Variants in GRIP1 observed in about 807,000 individuals in gnomAD.
GRIP1 encodes glutamate receptor interacting protein 1.
In GRIP1, 45 loss-of-function variants were observed where a neutral mutation model predicts 129.9. That is an observed-to-expected ratio of 0.35 (90% CI 0.27 to 0.44). GRIP1 has a LOEUF of 0.44. Ranked by LOEUF, GRIP1 falls within the 20% of genes least tolerant of loss-of-function variation. The pLI is 1.00. For synonymous variants in GRIP1, 530 were observed against 520.8 expected, an observed-to-expected ratio of 1.02 and a Z score of -0.24; for missense variants, 1,196 against 1,396.8, an observed-to-expected ratio of 0.86 and a Z score of 2.29.
At chr12:66,788,585 A>C (rs1330695264) in intron 1 of GRIP1, among the ~76,000 whole-genome samples, 1 of 151,796 alleles carries the variant, frequency 6.6e-6, no homozygotes, top group African/African-American at 2.4e-5. Flanking sequence ...TTTGTCTTGC[A>C]TGCCCTTTCT....
chr12:66,522,062 C>G (rs1403583485), intron 5 of GRIP1, among the ~76,000 whole-genome samples: 1 of 152,202 alleles, frequency 6.6e-6, no homozygotes, highest in African/African-American at 2.4e-5. Context: ...TCTGTAGGAT[C>G]CACCTCTCGG....
chr12:67,001,214 T>A (rs1384492758), intron 1 of GRIP1, among the ~76,000 whole-genome samples: 1 of 152,200 alleles, frequency 6.6e-6, no homozygotes, highest in Non-Finnish European at 1.5e-5. Flanking sequence ...TCTCCAGATT[T>A]GCTCTAGCTC....
intron 1 of GRIP1, among the ~76,000 whole-genome samples, chr12:66,669,771 T>C (rs926708434): frequency 6.6e-6 from 1 of 152,190 alleles, no homozygotes; most frequent in Non-Finnish European, 1.5e-5. Context: ...TGTCATTGAA[T>C]GTGGAGTTGC....
rs755458052 is a variant in GRIP1, at chr12:66,827,387, T to TGTGTGTGTGTGAGAGAGAGA, written c.59-230461_59-230460insTCTCTCTCTCACACACACAC. Among the ~76,000 whole-genome samples, 340 of 108,268 alleles carry TGTGTGTGTGTGAGAGAGAGA rather than the reference T, an allele frequency of 3.1e-3. 2 individuals are homozygous for TGTGTGTGTGTGAGAGAGAGA. Among genetic ancestry groups the TGTGTGTGTGTGAGAGAGAGA allele is most frequent in the South Asian group, 6.8e-3 (18 of 2,654 alleles). The allele number at this position is 108,268 out of a possible 152,430, so 71.0% of individuals were successfully genotyped here. On this transcript the variant is annotated intron_variant, in intron 1 of 1. Transcript: ENST00000643019. ...AGGTGTGTGTGTGTGTGTGTGTGTG[T>TGTGTGTGTGTGAGAGAGAGA]GAGAGAGAGAGAGAGAGAGAGAGAG...
upstream of GRIP1, among the ~76,000 whole-genome samples, chr12:66,683,639 T>A (rs554517436): frequency 6.6e-6 from 1 of 151,990 alleles, no homozygotes; most frequent in South Asian, 2.1e-4. Context: ...TATAAAAGGG[T>A]GGGTATAATG....
chr12:66,534,174 C>T (rs1409523529), intron 4 of GRIP1, among the ~76,000 whole-genome samples: 1 of 152,118 alleles, frequency 6.6e-6, no homozygotes, highest in Non-Finnish European at 1.5e-5. Context: ...AGAATAGACC[C>T]CTTTTGATTT....
At chr12:67,052,079 T>C (rs965516675) in intron 1 of GRIP1, among the ~76,000 whole-genome samples, 1 of 152,208 alleles carries the variant, frequency 6.6e-6, no homozygotes, top group African/African-American at 2.4e-5. Flanking sequence ...TATCCAGGTA[T>C]GTATTATTCT....
intron 2 of GRIP1, among the ~76,000 whole-genome samples, chr12:66,555,411 C>G (rs1166616641): frequency 3.3e-5 from 5 of 152,130 alleles, no homozygotes; most frequent in Non-Finnish European, 5.9e-5. Flanking sequence ...CACCCACGTC[C>G]CTTCAAATAC....
chr12:66,661,996 A>G (rs1592715242), intron 1 of GRIP1, among the ~76,000 whole-genome samples: 1 of 152,100 alleles, frequency 6.6e-6, no homozygotes, highest in African/African-American at 2.4e-5. Flanking sequence ...AGCCATTCCC[A>G]CCCTGGGTTC....
At chr12:66,462,891 G>A in intron 9 of GRIP1, 33 bp downstream of exon 9, 9 of 1,585,344 alleles carry the variant, frequency 5.7e-6, no homozygotes, top group Non-Finnish European at 7.8e-6. Context: ...GTGAGGGCCA[G>A]AGAAAGAGCT....
At chr12:66,705,189 A>G (rs1197819123) in intron 1 of GRIP1, among the ~76,000 whole-genome samples, 2 of 152,124 alleles carry the variant, frequency 1.3e-5, no homozygotes, top group Non-Finnish European at 2.9e-5. Context: ...GAATAACAGC[A>G]ATGGAAGCCA....
At chr12:66,915,961 C>A (rs1022865962) in intron 1 of GRIP1, among the ~76,000 whole-genome samples, 1 of 152,120 alleles carries the variant, frequency 6.6e-6, no homozygotes, top group Non-Finnish European at 1.5e-5. Context: ...ACTCATCATG[C>A]CAGAAGGCAC....
At chr12:66,563,331 G>A (rs1234079742) in intron 2 of GRIP1, among the ~76,000 whole-genome samples, 2 of 151,984 alleles carry the variant, frequency 1.3e-5, no homozygotes, top group Non-Finnish European at 2.9e-5. Flanking sequence ...ATTTAGAAAT[G>A]CTTTTCAACA....
chr12:66,954,623 T>C (rs1350919770), intron 1 of GRIP1, among the ~76,000 whole-genome samples: 3 of 152,210 alleles, frequency 2.0e-5, no homozygotes, highest in Admixed American at 6.5e-5. Context: ...TAATTTGTAA[T>C]CCACTTTCAT....
chr12:66,635,757 T>C (rs1185122021), intron 1 of GRIP1, among the ~76,000 whole-genome samples: 1 of 152,086 alleles, frequency 6.6e-6, no homozygotes, highest in Non-Finnish European at 1.5e-5. Context: ...TAAATACCAG[T>C]TACCCATTAA....
At chr12:66,449,321 CA>C (rs1243122084) in intron 11 of GRIP1, among the ~76,000 whole-genome samples, 3 of 152,110 alleles carry the variant, frequency 2.0e-5, no homozygotes, top group African/African-American at 7.2e-5. Flanking sequence ...TTTTAGGAAA[CA>C]ACACTTCTCA....
chr12:66,992,317 A>G (rs2042405282), intron 1 of GRIP1, among the ~76,000 whole-genome samples: 2 of 152,152 alleles, frequency 1.3e-5, no homozygotes, highest in African/African-American at 4.8e-5. Context: ...TTTGGCAATC[A>G]TATTTCCCAC....
intron 1 of GRIP1, among the ~76,000 whole-genome samples, chr12:66,771,539 A>T (rs12322096): frequency 0.089 from 13,531 of 152,196 alleles, 738 homozygotes; most frequent in Middle Eastern, 0.19. Flanking sequence ...GGCTGAATTA[A>T]ATTTGGGGTT....
intron 1 of GRIP1, among the ~76,000 whole-genome samples, chr12:66,658,308 C>T (rs905653153): frequency 3.3e-5 from 5 of 152,122 alleles, no homozygotes; most frequent in African/African-American, 1.2e-4. Context: ...GGACTCTCTT[C>T]GCAGCTAGAA....
Sources: allele counts gnomAD v4.1 joint callset (sites outside exome capture counted in the v4.1 genomes callset), GRCh38; gene constraint gnomAD v4.1.1; transcripts MANE v1.5; gene names NCBI Gene and HGNC (gene_info 2026-07-23, HGNC 2026-07-21).